The following MAN1C1 variants were observed in gnomAD, a reference collection of about 807,000 sequenced individuals.
MAN1C1 encodes the protein mannosyl-oligosaccharide 1,2-alpha-mannosidase IC.
MAN1C1 carries 49 observed loss-of-function variants against 71.5 expected under a neutral mutation model. That is an observed-to-expected ratio of 0.69 (90% CI 0.54 to 0.87). The LOEUF is 0.87. Ranked by LOEUF, MAN1C1 falls within the 40% of genes least tolerant of loss-of-function variation. MAN1C1 has a pLI of 0.00. For synonymous variants in MAN1C1, 352 were observed against 343.7 expected (o/e 1.02, Z -0.27); for missense variants, 743 against 835.0 (o/e 0.89, Z 1.36).
intron 2 of MAN1C1, among the ~76,000 whole-genome samples, chr1:25,718,825 A>G (rs1390542137): frequency 2.0e-5 from 3 of 152,142 alleles, no homozygotes; most frequent in Non-Finnish European, 4.4e-5. Flanking sequence ...TTATTCATTT[A>G]TCAGTTGATG....
chr1:25,722,516 G>A (rs1165794449), intron 2 of MAN1C1, among the ~76,000 whole-genome samples: 3 of 152,108 alleles, frequency 2.0e-5, no homozygotes, highest in Non-Finnish European at 4.4e-5. Flanking sequence ...CTTTTATTGA[G>A]TTTGCATTTC....
chr1:25,752,822 A>G (rs1280554473), intron 4 of MAN1C1, among the ~76,000 whole-genome samples: 1 of 152,082 alleles, frequency 6.6e-6, no homozygotes, highest in Non-Finnish European at 1.5e-5. Context: ...TTCATTCCCC[A>G]TTTGTGAAAT....
chr1:25,689,279 G>C (rs1231104584), intron 2 of MAN1C1, among the ~76,000 whole-genome samples: 1 of 152,166 alleles, frequency 6.6e-6, no homozygotes, highest in African/African-American at 2.4e-5. Flanking sequence ...GACCACAAGT[G>C]CTGACATGGG....
chr1:25,704,573 A>G (rs1484660739), intron 2 of MAN1C1, among the ~76,000 whole-genome samples: 1 of 152,242 alleles, frequency 6.6e-6, no homozygotes, highest in Non-Finnish European at 1.5e-5. Context: ...TCCCTTTGGT[A>G]CATGTGTAGA....
chr1:25,683,037 CAAA>C (rs1181300274), intron 1 of MAN1C1, among the ~76,000 whole-genome samples: 6 of 98,102 alleles, frequency 6.1e-5, no homozygotes, highest in Admixed American at 2.2e-4. Context: ...GACTCCATCT[CAAA>C]AAAAAAAAAA....
chr1:25,660,494 A>G lies in MAN1C1; in HGVS notation c.541-25946A>G, dbSNP rs1173415424. Among the ~76,000 whole-genome samples, 8 of 137,442 alleles carry G rather than the reference A, an allele frequency of 5.8e-5. No individual in the cohort carries two copies. In the East Asian group the frequency reaches 1.7e-3, roughly 29 times the overall value. 90.2% of individuals were successfully genotyped at this position (137,442 alleles called of 152,430 possible). A position where few individuals can be genotyped will look rare whatever the true frequency, so the allele number is the denominator to read the frequency against. Reference sequence around the variant, plus strand: ...TGCAAGCTCCGCCTCCCAGGTTCACACCATTCTCCTGCCTCAGCCTCCCGA... The same window carrying G: ...TGCAAGCTCCGCCTCCCAGGTTCACGCCATTCTCCTGCCTCAGCCTCCCGA... On this transcript the variant is annotated intron_variant, in intron 1 of 11. Transcript: ENST00000374332.
chr1:25,619,701 T>C (rs2045176225), intron 1 of MAN1C1, among the ~76,000 whole-genome samples: 2 of 152,194 alleles, frequency 1.3e-5, no homozygotes, highest in South Asian at 4.1e-4. Flanking sequence ...TCAGGTTGAG[T>C]GACAGCTGGA....
chr1:25,627,759 A>T (rs1435147712), intron 1 of MAN1C1, among the ~76,000 whole-genome samples: 1 of 151,952 alleles, frequency 6.6e-6, no homozygotes, highest in Non-Finnish European at 1.5e-5. Flanking sequence ...GAGGCCAGGC[A>T]TGGTGGCCCA....
chr1:25,775,117 T>G lies in MAN1C1; in HGVS notation c.1258-2988T>G, dbSNP rs937553629. ...AGGTCTGGTGCGCAGCATCCTGAGG[T>G]CTCCCTCAGATGTCTGTGTTCTCTC... On this transcript the variant is annotated intron_variant, in intron 8 of 11. Transcript: ENST00000374332. The surrounding 1 kb of genome is among the most constrained non-coding windows in gnomAD (Gnocchi z 5.1). Among the ~76,000 whole-genome samples the G allele has an allele frequency of 6.6e-6, 1 of 152,134 alleles. No individual in the cohort carries two copies. Among genetic ancestry groups the G allele is most frequent in the Non-Finnish European group, 1.5e-5 (1 of 68,010 alleles).
chr1:25,713,166 G>A (rs2046636472), intron 2 of MAN1C1, among the ~76,000 whole-genome samples: 1 of 151,926 alleles, frequency 6.6e-6, no homozygotes, highest in African/African-American at 2.4e-5. Flanking sequence ...ACTTGCCTGG[G>A]GTCACACAGG....
intron 1 of MAN1C1, among the ~76,000 whole-genome samples, chr1:25,678,152 A>G (rs556943971): frequency 6.6e-6 from 1 of 152,174 alleles, no homozygotes; most frequent in Non-Finnish European, 1.5e-5. Context: ...ACACTCATAC[A>G]TAGGCCAGTG....
At chr1:25,637,890 GA>G (rs1178478296) in intron 1 of MAN1C1, among the ~76,000 whole-genome samples, 3 of 100,810 alleles carry the variant, frequency 3.0e-5, no homozygotes, top group Non-Finnish European at 5.6e-5. Flanking sequence ...TTGTATGGTA[GA>G]ACTTTTTCCA....
intron 1 of MAN1C1, among the ~76,000 whole-genome samples, chr1:25,669,050 C>T (rs1431081878): frequency 6.6e-6 from 1 of 152,162 alleles, no homozygotes; most frequent in Non-Finnish European, 1.5e-5. Context: ...AGTTGTACCT[C>T]AAAAGCAAGT....
chr1:25,744,029 C>T (rs530869968), intron 2 of MAN1C1, among the ~76,000 whole-genome samples: 2 of 152,234 alleles, frequency 1.3e-5, no homozygotes, highest in Admixed American at 6.5e-5. Flanking sequence ...CCCATCCCCT[C>T]TCTGAGGTCT....
chr1:25,664,260 G>GTT (rs3841828), intron 1 of MAN1C1, among the ~76,000 whole-genome samples: 2,902 of 146,268 alleles, frequency 0.02, 98 homozygotes, highest in African/African-American at 0.067. Flanking sequence ...AACCCTACTA[G>GTT]TTTTTTTTTT....
intron 1 of MAN1C1, among the ~76,000 whole-genome samples, chr1:25,657,027 G>A (rs145543413): frequency 4.6e-5 from 7 of 152,044 alleles, no homozygotes; most frequent in African/African-American, 1.4e-4. Flanking sequence ...GGGTTTCACC[G>A]TGTTAGCCAG....
intron 2 of MAN1C1, among the ~76,000 whole-genome samples, chr1:25,692,736 G>T (rs918329707): frequency 6.6e-6 from 1 of 152,174 alleles, no homozygotes; most frequent in Non-Finnish European, 1.5e-5. Flanking sequence ...GTGGGGTAGG[G>T]GAATGGTCTC....
At chr1:25,719,780 TTTTGTTTGTTTG>T (rs573468036) in intron 2 of MAN1C1, among the ~76,000 whole-genome samples, 1 of 152,036 alleles carries the variant, frequency 6.6e-6, no homozygotes, top group Non-Finnish European at 1.5e-5. Flanking sequence ...CTCATTGTTA[TTTTGTTTGTTTG>T]TTTGTTTGTT....
At chr1:25,747,435 TC>T (rs1357464735) in intron 3 of MAN1C1, among the ~76,000 whole-genome samples, 1 of 152,170 alleles carries the variant, frequency 6.6e-6, no homozygotes, top group African/African-American at 2.4e-5. Flanking sequence ...AAGGCATGCA[TC>T]CCAGAGGGGA....
Sources: allele counts gnomAD v4.1 joint callset (sites outside exome capture counted in the v4.1 genomes callset), GRCh38; gene constraint gnomAD v4.1.1; non-coding constraint Gnocchi (gnomAD v3.1); transcripts MANE v1.5; gene names NCBI Gene and HGNC (gene_info 2026-07-23, HGNC 2026-07-21).